RAP1GDS1: variants seen among roughly 807,000 people sequenced by gnomAD.
RAP1GDS1 encodes RAP1, GTP-GDP dissociation stimulator 1.
RAP1GDS1 carries 35 observed loss-of-function variants against 71.1 expected under a neutral mutation model. The observed-to-expected ratio is 0.49, with a 90% CI of 0.38 to 0.65. The LOEUF is 0.65. RAP1GDS1 is among the 30% of genes least tolerant of loss of function. The pLI is 0.00. For missense variants in RAP1GDS1, 663 were observed against 706.1 expected, an observed-to-expected ratio of 0.94 and a Z score of 0.69; for synonymous variants, 229 against 243.1, an observed-to-expected ratio of 0.94 and a Z score of 0.54.
intron 1 of RAP1GDS1, among the ~76,000 whole-genome samples, chr4:98,269,700 T>C (rs867846659): frequency 7.2e-5 from 11 of 152,204 alleles, no homozygotes; most frequent in African/African-American, 2.7e-4. Context: ...ACTTTTTGAA[T>C]GCTGACATGA....
At chr4:98,287,809 A>G (rs1044337246) in intron 1 of RAP1GDS1, among the ~76,000 whole-genome samples, 1 of 152,082 alleles carries the variant, frequency 6.6e-6, no homozygotes, top group African/African-American at 2.4e-5. Context: ...GATCATGTGT[A>G]CATAATGTAT....
intron 4 of RAP1GDS1, among the ~76,000 whole-genome samples, chr4:98,364,191 A>G (rs1260044730): frequency 6.6e-6 from 1 of 152,186 alleles, no homozygotes; most frequent in Non-Finnish European, 1.5e-5. Context: ...AATCTCCTGC[A>G]TTTAGCAAAA....
intron 2 of RAP1GDS1, among the ~76,000 whole-genome samples, chr4:98,323,440 G>A: frequency 9.6e-6 from 1 of 103,994 alleles, no homozygotes; most frequent in African/African-American, 4.3e-5. Context: ...GCATCATTCT[G>A]ATACCAAAGC....
At chr4:98,300,740 C>CA (rs1445764434) in intron 2 of RAP1GDS1, among the ~76,000 whole-genome samples, 2 of 151,844 alleles carry the variant, frequency 1.3e-5, no homozygotes, top group South Asian at 2.1e-4. Flanking sequence ...AACCAAAAAA[C>CA]AAAAAACAAA....
At chr4:98,308,150 G>GTA (rs1560808313) in intron 2 of RAP1GDS1, among the ~76,000 whole-genome samples, 1 of 150,818 alleles carries the variant, frequency 6.6e-6, no homozygotes, top group Non-Finnish European at 1.5e-5. Context: ...ATATATGTGT[G>GTA]TATATATGTG....
At chr4:98,383,561 G>C (rs189294393) in intron 5 of RAP1GDS1, among the ~76,000 whole-genome samples, 1 of 151,068 alleles carries the variant, frequency 6.6e-6, no homozygotes, top group Non-Finnish European at 1.5e-5. Context: ...TTTATTTGTC[G>C]CATGGGCTGA....
intron 4 of RAP1GDS1, among the ~76,000 whole-genome samples, chr4:98,364,835 C>G (rs778989766): frequency 1.2e-4 from 18 of 151,536 alleles, no homozygotes; most frequent in Non-Finnish European, 2.4e-4. Flanking sequence ...CAAGACCCAC[C>G]AGAGCAACAT....
intron 5 of RAP1GDS1, among the ~76,000 whole-genome samples, chr4:98,380,773 C>A (rs944454460): frequency 1.3e-5 from 2 of 151,630 alleles, no homozygotes; most frequent in Non-Finnish European, 3.0e-5. Context: ...GTAGGAAGAA[C>A]ACTAAATGGG....
At chr4:98,349,836 GT>G (rs576301992) in intron 3 of RAP1GDS1, among the ~76,000 whole-genome samples, 4,554 of 144,648 alleles carry the variant, frequency 0.031, 73 homozygotes, top group African/African-American at 0.048. Context: ...AAACATCCCT[GT>G]TTTTTTTTTT....
At chr4:98,408,271 C>T (rs540457594) in intron 7 of RAP1GDS1, among the ~76,000 whole-genome samples, 18 of 151,976 alleles carry the variant, frequency 1.2e-4, no homozygotes, top group Admixed American at 3.9e-4. Flanking sequence ...GGATTACAGG[C>T]GCCTCCTACC....
chr4:98,331,867 A>G (rs1734063291), intron 2 of RAP1GDS1, among the ~76,000 whole-genome samples: 1 of 152,218 alleles, frequency 6.6e-6, no homozygotes, highest in African/African-American at 2.4e-5. Flanking sequence ...AGCACAGGTC[A>G]CTGTGAAATC....
intron 2 of RAP1GDS1, among the ~76,000 whole-genome samples, chr4:98,342,809 A>G (rs1399331962): frequency 6.6e-6 from 1 of 152,186 alleles, no homozygotes; most frequent in Non-Finnish European, 1.5e-5. Context: ...TGTAGAAAAA[A>G]AGCATTTATA....
At chr4:98,265,486 T>C (rs1183616207) in intron 1 of RAP1GDS1, among the ~76,000 whole-genome samples, 3 of 152,188 alleles carry the variant, frequency 2.0e-5, no homozygotes, top group Middle Eastern at 3.2e-3. Context: ...AGAAAAATTG[T>C]GTTGACTGAC....
At chr4:98,341,054 G>T (rs1317620331) in intron 2 of RAP1GDS1, among the ~76,000 whole-genome samples, 1 of 152,050 alleles carries the variant, frequency 6.6e-6, no homozygotes, top group East Asian at 1.9e-4. Flanking sequence ...AATACACTTT[G>T]TAGTTATTTA....
intron 3 of RAP1GDS1, among the ~76,000 whole-genome samples, chr4:98,345,112 C>T (rs922476097): frequency 6.6e-6 from 1 of 152,218 alleles, no homozygotes; most frequent in Non-Finnish European, 1.5e-5. Context: ...GGATTACAGG[C>T]ATGAGCCACT....
At chr4:98,379,678 A>G (rs1008856298) in intron 5 of RAP1GDS1, among the ~76,000 whole-genome samples, 2 of 151,956 alleles carry the variant, frequency 1.3e-5, no homozygotes, top group Non-Finnish European at 2.9e-5. Flanking sequence ...TTTTCTCTGT[A>G]AAACATTTTT....
chr4:98,434,901 C>T (rs1306164187), intron 13 of RAP1GDS1, among the ~76,000 whole-genome samples: 1 of 152,098 alleles, frequency 6.6e-6, no homozygotes, highest in African/African-American at 2.4e-5. Context: ...GGATTACAGG[C>T]GTGATCCACC....
At chr4:98,271,146 C>G (rs1025099768) in intron 1 of RAP1GDS1, among the ~76,000 whole-genome samples, 5 of 152,002 alleles carry the variant, frequency 3.3e-5, no homozygotes, top group Admixed American at 6.6e-5. Context: ...CTGCATTGTT[C>G]AAGGGTCAAC....
intron 7 of RAP1GDS1, among the ~76,000 whole-genome samples, chr4:98,415,379 C>A (rs551048037): frequency 2.6e-5 from 4 of 152,328 alleles, no homozygotes; most frequent in African/African-American, 9.6e-5. Flanking sequence ...TGTACATTCT[C>A]AGCTTACAAA....
Sources: allele counts gnomAD v4.1 joint callset (sites outside exome capture counted in the v4.1 genomes callset), GRCh38; gene constraint gnomAD v4.1.1; transcripts MANE v1.5; gene names NCBI Gene and HGNC (gene_info 2026-07-23, HGNC 2026-07-21).